The following TENM2 variants were observed in gnomAD, a reference collection of about 807,000 sequenced individuals.
TENM2 encodes teneurin-2.
In TENM2, 52 loss-of-function variants were observed where a neutral mutation model predicts 245.2. That is an observed-to-expected ratio of 0.21 (90% CI 0.17 to 0.27). The LOEUF (loss-of-function observed/expected upper bound fraction) is 0.27. Among genes scored for constraint, TENM2 ranks in the 10% least tolerant of loss-of-function variants. The pLI is 1.00. For missense variants in TENM2, 3,046 were observed against 3,666.8 expected (o/e 0.83, Z 4.37); for synonymous variants, 1,363 against 1,438.9 (o/e 0.95, Z 1.19).
the TENM2 span, among the ~76,000 whole-genome samples, chr5:167,191,307 A>ATG: frequency 5.3e-5 from 8 of 152,182 alleles, no homozygotes; most frequent in African/African-American, 1.7e-4. Flanking sequence ...TAAAATATAT[A>ATG]TATGTTGTTT....
intron 12 of TENM2, among the ~76,000 whole-genome samples, chr5:168,145,696 G>GT (rs1166044026): frequency 9.2e-5 from 14 of 152,016 alleles, no homozygotes; most frequent in Admixed American, 9.2e-4. Context: ...CTTTAAAGTA[G>GT]TTTTTTCCAA....
chr5:167,577,039 A>G (rs546063243), intron 2 of TENM2, among the ~76,000 whole-genome samples: 1 of 152,326 alleles, frequency 6.6e-6, no homozygotes, highest in Admixed American at 6.5e-5. Flanking sequence ...CATAAGCACT[A>G]GAAACTGAGG....
intron 7 of TENM2, among the ~76,000 whole-genome samples, chr5:168,065,071 G>T (rs1015730737): frequency 6.6e-6 from 1 of 152,184 alleles, no homozygotes; most frequent in Admixed American, 6.5e-5. Flanking sequence ...GTTCTATGGG[G>T]ATTGGCAGTC....
intron 1 of TENM2, among the ~76,000 whole-genome samples, chr5:167,354,663 TTTGAA>T (rs1314741182): frequency 6.6e-6 from 1 of 152,158 alleles, no homozygotes; most frequent in African/African-American, 2.4e-5. Flanking sequence ...AAGAGACATG[TTTGAA>T]TTGAAGTTTC....
intron 2 of TENM2, among the ~76,000 whole-genome samples, chr5:167,466,736 A>T (rs1015537175): frequency 6.6e-6 from 1 of 152,212 alleles, no homozygotes; most frequent in South Asian, 2.1e-4. Flanking sequence ...GTTTTGTAGG[A>T]ACATAAATTA....
At chr5:168,070,996 G>C (rs1327779016) in intron 7 of TENM2, among the ~76,000 whole-genome samples, 4 of 151,996 alleles carry the variant, frequency 2.6e-5, no homozygotes, top group Non-Finnish European at 5.9e-5. Context: ...AAGAGAAAGA[G>C]AAAGAAACTG....
intron 2 of TENM2, among the ~76,000 whole-genome samples, chr5:167,557,045 G>A (rs1773303593): frequency 6.6e-6 from 1 of 152,062 alleles, no homozygotes; most frequent in South Asian, 2.1e-4. Flanking sequence ...TTGGCTTTGG[G>A]AAATTTAAGA....
chr5:167,194,409 A>T, the TENM2 span, among the ~76,000 whole-genome samples: 1 of 152,038 alleles, frequency 6.6e-6, no homozygotes, highest in Admixed American at 6.6e-5. Flanking sequence ...TGAACACATG[A>T]GCCAGTTTCT....
At chr5:167,122,460 C>T in the TENM2 span, among the ~76,000 whole-genome samples, 17 of 152,276 alleles carry the variant, frequency 1.1e-4, no homozygotes, top group South Asian at 1.0e-3. Flanking sequence ...CCACCCTCCC[C>T]GGGCTGACTT....
At chr5:167,467,244 G>T (rs1183520757) in intron 2 of TENM2, among the ~76,000 whole-genome samples, 5 of 152,050 alleles carry the variant, frequency 3.3e-5, no homozygotes, top group Non-Finnish European at 5.9e-5. Flanking sequence ...TTTTATAAGT[G>T]TTTGACAGTT....
At chr5:167,617,809 T>G (rs1777886649) in intron 2 of TENM2, among the ~76,000 whole-genome samples, 2 of 152,198 alleles carry the variant, frequency 1.3e-5, no homozygotes, top group Non-Finnish European at 2.9e-5. Context: ...AGAATCACTG[T>G]GCTAGCACAA....
intron 2 of TENM2, among the ~76,000 whole-genome samples, chr5:167,525,871 G>C (rs987953518): frequency 1.3e-5 from 2 of 151,860 alleles, no homozygotes; most frequent in African/African-American, 4.8e-5. Context: ...TATGTGACTT[G>C]GTTGACACTA....
At chr5:167,786,426 T>G (rs985894950) in intron 2 of TENM2, among the ~76,000 whole-genome samples, 8 of 152,252 alleles carry the variant, frequency 5.3e-5, no homozygotes, top group Admixed American at 1.3e-4. Context: ...AATGACAAGA[T>G]AAGTTCCAGT....
the TENM2 span, among the ~76,000 whole-genome samples, chr5:167,036,878 G>T: frequency 6.6e-6 from 1 of 152,042 alleles, no homozygotes; most frequent in African/African-American, 2.4e-5. Flanking sequence ...GACTTCTTAT[G>T]ATCTCTTACC....
At chr5:167,281,107 A>G (rs970752390), upstream of TENM2, among the ~76,000 whole-genome samples, 7 of 148,148 alleles carry the variant, frequency 4.7e-5, no homozygotes, top group Admixed American at 1.4e-4. Context: ...AATACTGACA[A>G]TCAATGTTTT....
the TENM2 span, among the ~76,000 whole-genome samples, chr5:167,015,272 G>T: frequency 6.6e-6 from 1 of 152,136 alleles, no homozygotes; most frequent in African/African-American, 2.4e-5. Context: ...TCTAAAATGC[G>T]ATGGAAGTAT....
intron 2 of TENM2, among the ~76,000 whole-genome samples, chr5:167,612,440 T>TA (rs1220567107): frequency 2.3e-4 from 35 of 151,936 alleles, no homozygotes; most frequent in African/African-American, 6.3e-4. Flanking sequence ...ATGATTTTTT[T>TA]AAAAAAAAGG....
At chr5:167,530,991 T>A (rs923788803) in intron 2 of TENM2, among the ~76,000 whole-genome samples, 1 of 152,194 alleles carries the variant, frequency 6.6e-6, no homozygotes, top group African/African-American at 2.4e-5. Context: ...CAATACACAA[T>A]CCTTGACTGC....
chr5:167,445,369 A>AGAGAGAGAGAGAGAGAGT (rs35699708), intron 2 of TENM2, among the ~76,000 whole-genome samples: 2,817 of 97,396 alleles, frequency 0.029, 148 homozygotes, highest in African/African-American at 0.042. Flanking sequence ...AGAGAGAGAG[A>AGAGAGAGAGAGAGAGAGT]GTGTCAGGTG....
Sources: allele counts gnomAD v4.1 joint callset (sites outside exome capture counted in the v4.1 genomes callset), GRCh38; gene constraint gnomAD v4.1.1; transcripts MANE v1.5; gene names NCBI Gene and HGNC (gene_info 2026-07-23, HGNC 2026-07-21).